Variants in PREX1 observed in about 807,000 individuals in gnomAD.
PREX1 encodes phosphatidylinositol 3,4,5-trisphosphate-dependent Rac exchanger 1 protein.
In PREX1, 41 loss-of-function variants were observed where a neutral mutation model predicts 198.3. The ratio of observed to expected loss-of-function variants is 0.21; its 90% CI spans 0.16 to 0.27. The LOEUF is 0.27. Ranked by LOEUF, PREX1 falls within the 10% of genes least tolerant of loss-of-function variation. The probability of loss-of-function intolerance (pLI) is 1.00; values close to 1 mark genes in which losing one functional copy is unlikely to be tolerated. For synonymous variants in PREX1, 843 were observed against 887.2 expected (o/e 0.95, Z 0.89); for missense variants, 1,620 against 2,200.7 (o/e 0.74, Z 5.28).
intron 10 of PREX1, among the ~76,000 whole-genome samples, chr20:48,683,130 G>T (rs758549953): frequency 6.6e-6 from 1 of 152,232 alleles, no homozygotes; most frequent in African/African-American, 2.4e-5. Flanking sequence ...GGAACTCAGG[G>T]ACAGGGAGAA....
chr20:48,831,352 G>T (rs1360084617), upstream of PREX1, among the ~76,000 whole-genome samples: 1 of 152,156 alleles, frequency 6.6e-6, no homozygotes, highest in Non-Finnish European at 1.5e-5. Flanking sequence ...GCACAAGGCT[G>T]CCCAGACAAC....
intron 6 of PREX1, among the ~76,000 whole-genome samples, chr20:48,702,919 G>A (rs1015815663): frequency 6.6e-6 from 1 of 152,264 alleles, no homozygotes; most frequent in Admixed American, 6.5e-5. Context: ...AGTTTCACGT[G>A]ACAGACCAGC....
At chr20:48,857,378 G>C in the PREX1 span, among the ~76,000 whole-genome samples, 1 of 152,188 alleles carries the variant, frequency 6.6e-6, no homozygotes, top group African/African-American at 2.4e-5. Context: ...AAGAGCTATG[G>C]ATGAAATAAA....
At chr20:48,767,682 C>A (rs1484962529) in intron 1 of PREX1, among the ~76,000 whole-genome samples, 2 of 152,182 alleles carry the variant, frequency 1.3e-5, no homozygotes, top group African/African-American at 4.8e-5. Context: ...CCCGACATTT[C>A]CCCAGAGTCG....
chr20:48,701,471 C>A (rs1409744646), intron 6 of PREX1, among the ~76,000 whole-genome samples: 4 of 152,294 alleles, frequency 2.6e-5, no homozygotes, highest in Admixed American at 2.6e-4. Context: ...GCCTCAGCTT[C>A]CCAAAGTGTA....
intron 5 of PREX1, among the ~76,000 whole-genome samples, chr20:48,718,454 C>A (rs1283016124): frequency 6.6e-6 from 1 of 151,676 alleles, no homozygotes; most frequent in Admixed American, 6.6e-5. Flanking sequence ...CTAAAACAAT[C>A]CAAAATAAAA....
In PREX1 at chr20:48,642,232, C is replaced by T; in HGVS notation, c.3711G>A (p.Lys1237=). The T allele has an allele frequency of 3.1e-6, 5 of 1,614,224 alleles. No individual in the cohort carries two copies. Among genetic ancestry groups the T allele is most frequent in the South Asian group, 1.1e-5 (1 of 91,080 alleles). ...CGAAAGCCCGGCTCATGACTGGCCC[C>T]TTGAGGAGAGCATTGATGGAGTCCA... ...NQVDSINALL[K]GPVMSRAFEE... is the part of the protein sequence containing the mutation. Residue 1237 remains lysine (K), a synonymous_variant, in exon 29 of 40, where the codon AAG becomes AAA. Transcript: ENST00000371941.
rs2089323644 is a variant in PREX1 at position 48,632,572 on chromosome 20, G to A, written c.4335C>T (p.Ser1445=). Residue 1445 remains serine, a synonymous_variant, in exon 34 of 40, where the codon AGC becomes AGT. Coordinates refer to ENST00000371941, the MANE Select transcript of PREX1 (RefSeq NM_020820.4). The part of the protein sequence containing the change: ...QALKVIFYLD[S]YHFSKLPSRL... The stretch of plus-strand genomic sequence containing the variant: ...GGGAGGGCAGCTTGGAGAAGTGGTA[G>A]CTGTCGAGGTAGAAGATGACCTTCA... The A allele has an allele frequency of 6.2e-7, 1 of 1,613,904 alleles. No individual in the cohort carries two copies. The highest frequency in any genetic ancestry group is 8.5e-7 in the Non-Finnish European group (1 of 1,179,926).
At chr20:48,728,671 T>TG (rs972301078) in intron 4 of PREX1, among the ~76,000 whole-genome samples, 4 of 152,112 alleles carry the variant, frequency 2.6e-5, no homozygotes, top group African/African-American at 9.7e-5. Flanking sequence ...GCAGGGCGCC[T>TG]GGGGGTGGGG....
intron 29 of PREX1, among the ~76,000 whole-genome samples, chr20:48,641,118 T>G (rs778047025): frequency 6.6e-6 from 1 of 151,930 alleles, no homozygotes; most frequent in Non-Finnish European, 1.5e-5. Flanking sequence ...GGTAGGTGGG[T>G]AAATGGGAGG....
chr20:48,792,817 TACACAC>T (rs372512250), intron 1 of PREX1, among the ~76,000 whole-genome samples: 29 of 113,544 alleles, frequency 2.6e-4, no homozygotes, highest in South Asian at 1.1e-3. Context: ...AAAAAAAAAA[TACACAC>T]ACACACACAC....
In PREX1 at chr20:48,679,881, C is replaced by G. The variant is rs1271452092; in HGVS notation, c.1436-127G>C. 6 of 724,480 alleles carry G rather than the reference C, an allele frequency of 8.3e-6. No homozygotes were observed. In the African/African-American group the frequency reaches 1.0e-4, roughly 13 times the overall value. 44.9% of individuals were successfully genotyped at this position (724,480 alleles called of 1,614,324 possible). A position where few individuals can be genotyped will look rare whatever the true frequency, so the allele number is the denominator to read the frequency against. ...CCCTCCCAGTCACACCCACCAGCAT[C>G]AGGCTTCACTGCTGGCCAGGCTTTT... On this transcript the variant is annotated intron_variant, in intron 11 of 39. Transcript: ENST00000371941.
intron 19 of PREX1, among the ~76,000 whole-genome samples, chr20:48,654,513 C>A (rs2089527428): frequency 6.6e-6 from 1 of 152,210 alleles, no homozygotes; most frequent in East Asian, 1.9e-4. Context: ...ACACCCCCTC[C>A]CCAGTTACGA....
At chr20:48,864,197 T>C in the PREX1 span, among the ~76,000 whole-genome samples, 2 of 152,170 alleles carry the variant, frequency 1.3e-5, no homozygotes, top group African/African-American at 4.8e-5. Flanking sequence ...AGAAAGAAAC[T>C]GAGGCTAAGG....
chr20:48,807,489 C>T (rs2869676), intron 1 of PREX1, among the ~76,000 whole-genome samples: 27,218 of 152,166 alleles, frequency 0.18, 2,619 homozygotes, highest in Middle Eastern at 0.3. Context: ...TCTCTGCTAA[C>T]GGCCACTCAC....
intron 15 of PREX1, among the ~76,000 whole-genome samples, chr20:48,660,869 G>A (rs1039745173): frequency 2.6e-5 from 4 of 152,288 alleles, no homozygotes; most frequent in Admixed American, 6.5e-5. Flanking sequence ...GTGAAAAGGC[G>A]CTCAGACCTC....
intron 1 of PREX1, among the ~76,000 whole-genome samples, chr20:48,818,891 G>A (rs968203127): frequency 1.1e-4 from 17 of 152,174 alleles, no homozygotes; most frequent in Admixed American, 8.5e-4. Context: ...CACAGATGGG[G>A]GCCCAAACTC....
At chr20:48,829,530 G>C (rs1301705412), upstream of PREX1, among the ~76,000 whole-genome samples, 2 of 152,208 alleles carry the variant, frequency 1.3e-5, no homozygotes, top group African/African-American at 4.8e-5. Context: ...GCCTTGGGCT[G>C]AGTGAAGTTC....
intron 23 of PREX1, 56 bp downstream of exon 23, chr20:48,650,838 C>G (rs561136095): frequency 6.3e-7 from 1 of 1,587,078 alleles, no homozygotes; most frequent in South Asian, 1.1e-5. Context: ...ATATCCCAGG[C>G]TGAGATGCTA....
Sources: gnomAD v4.1 joint callset for allele counts (sites outside exome capture counted in the v4.1 genomes callset) on GRCh38, gnomAD v4.1.1 for gene constraint, MANE v1.5 for transcripts, NCBI Gene and HGNC (gene_info 2026-07-23, HGNC 2026-07-21) for gene names.